LIN28B: variants seen among roughly 807,000 people sequenced by gnomAD.
The protein encoded by LIN28B is protein lin-28 homolog B.
In LIN28B, 5 loss-of-function variants were observed where a neutral mutation model predicts 21.9. That is an observed-to-expected ratio of 0.23 (90% confidence interval 0.12 to 0.48). The LOEUF (loss-of-function observed/expected upper bound fraction) is 0.48, where lower values mean the gene tolerates loss of function less well. Among genes scored for constraint, LIN28B ranks in the 20% least tolerant of loss-of-function variants. The pLI, the probability that LIN28B is intolerant of heterozygous loss-of-function variation, is 0.98. For synonymous variants in LIN28B, 109 were observed against 111.3 expected (o/e 0.98, Z 0.13); for missense variants, 245 against 310.5 (o/e 0.79, Z 1.58).
intron 3 of LIN28B, among the ~76,000 whole-genome samples, chr6:105,044,216 GTTC>G (rs1408659213): frequency 6.6e-6 from 1 of 152,100 alleles, no homozygotes; most frequent in Non-Finnish European, 1.5e-5. Context: ...ATTTGTGAAA[GTTC>G]TTCTGTTATT....
At chr6:105,075,364 A>G (rs1383360643) in intron 3 of LIN28B, among the ~76,000 whole-genome samples, 1 of 152,184 alleles carries the variant, frequency 6.6e-6, no homozygotes. Flanking sequence ...GTGAGCTGCA[A>G]GGTAGCTGAA....
At chr6:105,073,521 G>A (rs1350365368) in intron 3 of LIN28B, among the ~76,000 whole-genome samples, 1 of 151,858 alleles carries the variant, frequency 6.6e-6, no homozygotes, top group African/African-American at 2.4e-5. Context: ...ACTGCTTTAC[G>A]TACTATCTTT....
chr6:105,059,357 C>A (rs1191449973), intron 3 of LIN28B, among the ~76,000 whole-genome samples: 1 of 152,122 alleles, frequency 6.6e-6, no homozygotes, highest in Non-Finnish European at 1.5e-5. Flanking sequence ...GCTTTGGCTG[C>A]AGTTCTTGTT....
At chr6:104,978,475 G>A (rs1255048591) in intron 2 of LIN28B, among the ~76,000 whole-genome samples, 1 of 151,856 alleles carries the variant, frequency 6.6e-6, no homozygotes, top group African/African-American at 2.4e-5. Flanking sequence ...ATAGAAATCA[G>A]TAACACTAAT....
chr6:104,967,975 A>C (rs1031644496), intron 2 of LIN28B, among the ~76,000 whole-genome samples: 3 of 152,220 alleles, frequency 2.0e-5, no homozygotes, highest in South Asian at 2.1e-4. Context: ...CTGGGATTAC[A>C]GATGTGAGCC....
chr6:104,953,561 A>C (rs927618708), upstream of LIN28B, among the ~76,000 whole-genome samples: 1 of 152,190 alleles, frequency 6.6e-6, no homozygotes, highest in Non-Finnish European at 1.5e-5. Context: ...ATTAGTGAGA[A>C]ATCACCAGCC....
In LIN28B at chr6:105,070,592, CCACACACACA is replaced by C. The variant is rs752057191; in HGVS notation, c.384-7782_384-7773del. Among the ~76,000 whole-genome samples, 198 of 92,218 alleles carry C rather than the reference CCACACACACA, an allele frequency of 2.1e-3. 2 individuals are homozygous for C. Among genetic ancestry groups the C allele is most frequent in the East Asian group, 0.016 (56 of 3,468 alleles). 60.5% of individuals were successfully genotyped at this position (92,218 alleles called of 152,430 possible). ...CAAAACTCTATCTCTATCAATAAAA[CCACACACACA>C]CACACACACACACACACACACACAC... On this transcript the variant is annotated intron_variant, in intron 3 of 3. Transcript: ENST00000345080.
At chr6:105,051,329 C>T (rs1771897348) in intron 3 of LIN28B, among the ~76,000 whole-genome samples, 1 of 151,078 alleles carries the variant, frequency 6.6e-6, no homozygotes, top group Admixed American at 6.6e-5. Context: ...ATCCCAGCTA[C>T]TCAGGAGGGT....
At chr6:105,006,220 C>T (rs1770813731) in intron 2 of LIN28B, among the ~76,000 whole-genome samples, 2 of 152,122 alleles carry the variant, frequency 1.3e-5, no homozygotes, top group Admixed American at 1.3e-4. Context: ...CTTATCAGCC[C>T]TAAGATAACA....
chr6:104,992,532 G>T (rs1195573289), intron 2 of LIN28B, among the ~76,000 whole-genome samples: 3 of 149,258 alleles, frequency 2.0e-5, no homozygotes, highest in African/African-American at 7.4e-5. Context: ...TTTAAACAGG[G>T]TCTCACTCTG....
intron 3 of LIN28B, among the ~76,000 whole-genome samples, chr6:105,050,323 C>T (rs934365539): frequency 3.3e-5 from 5 of 152,120 alleles, no homozygotes; most frequent in African/African-American, 1.2e-4. Context: ...AATGTTGAGG[C>T]TGGGCGCGGT....
At chr6:104,966,913 G>A (rs1240379205) in intron 2 of LIN28B, among the ~76,000 whole-genome samples, 3 of 151,968 alleles carry the variant, frequency 2.0e-5, no homozygotes, top group South Asian at 2.1e-4. Flanking sequence ...GAGCCACCGC[G>A]CCCAACCTCT....
intron 3 of LIN28B, among the ~76,000 whole-genome samples, chr6:105,053,955 A>C (rs1471822729): frequency 6.6e-6 from 1 of 152,116 alleles, no homozygotes; most frequent in East Asian, 1.9e-4. Context: ...TGTTGGCCAC[A>C]CTGGTCTCAA....
Position 104,938,521 on chromosome 6 carries a change from C to A in LIN28B, c.18+1405C>A, listed in dbSNP as rs1042638573. Among the ~76,000 whole-genome samples the A allele has an allele frequency of 7.2e-5, 11 of 151,890 alleles. 1 individual carries two copies. Among genetic ancestry groups the A allele is most frequent in the Admixed American group, 6.6e-4 (10 of 15,218 alleles). On this transcript the variant is annotated intron_variant, in intron 2 of 5. Transcript: ENST00000635857. ...GCGTGTGGTAGAGCAGGCCTGTAAT[C>A]CCAGCTACTTAGGAGACTGAGGCAC...
At chr6:105,006,973 C>T (rs919543634) in intron 2 of LIN28B, among the ~76,000 whole-genome samples, 2 of 152,166 alleles carry the variant, frequency 1.3e-5, no homozygotes, top group African/African-American at 2.4e-5. Flanking sequence ...ATATTTGTAA[C>T]AACTGTAAGG....
At chr6:105,004,894 C>T (rs1374378452) in intron 2 of LIN28B, among the ~76,000 whole-genome samples, 1 of 152,134 alleles carries the variant, frequency 6.6e-6, no homozygotes, top group African/African-American at 2.4e-5. Flanking sequence ...TCTATATAGG[C>T]CTGCTTGATA....
At chr6:104,988,354 G>C (rs918726813) in intron 2 of LIN28B, among the ~76,000 whole-genome samples, 17 of 151,660 alleles carry the variant, frequency 1.1e-4, no homozygotes, top group Non-Finnish European at 1.8e-4. Flanking sequence ...TTTTTATCCA[G>C]ATATAAAGCC....
chr6:105,056,301 A>G (rs73521962), intron 3 of LIN28B, among the ~76,000 whole-genome samples: 10,002 of 151,360 alleles, frequency 0.066, 347 homozygotes, highest in Middle Eastern at 0.086. Context: ...GATAGATTGT[A>G]GGGAGTCCGG....
chr6:105,001,081 C>G (rs1274077451), intron 2 of LIN28B, among the ~76,000 whole-genome samples: 2 of 152,172 alleles, frequency 1.3e-5, no homozygotes, highest in Non-Finnish European at 2.9e-5. Flanking sequence ...GCTGTTGTTA[C>G]TTCACTCATT....
Sources: gnomAD v4.1 joint callset for allele counts (sites outside exome capture counted in the v4.1 genomes callset) on GRCh38, gnomAD v4.1.1 for gene constraint, MANE v1.5 for transcripts, NCBI Gene and HGNC (gene_info 2026-07-23, HGNC 2026-07-21) for gene names.